SDK1: variants seen among roughly 807,000 people sequenced by gnomAD.
SDK1 encodes sidekick cell adhesion molecule 1, also known as protein sidekick-1.
Under a neutral mutation model 245.5 loss-of-function variants are expected in SDK1, and 157 were observed. That is an observed-to-expected ratio of 0.64 (90% CI 0.56 to 0.73). SDK1 has a LOEUF of 0.73. SDK1 is among the 30% of genes least tolerant of loss of function. The pLI is 0.00. For synonymous variants in SDK1, 1,647 were observed against 1,278.5 expected (o/e 1.29, Z -6.15); for missense variants, 3,583 against 3,002.3 (o/e 1.19, Z -4.52).
intron 1 of SDK1, among the ~76,000 whole-genome samples, chr7:3,606,770 C>G (rs368462588): frequency 4.0e-5 from 6 of 151,844 alleles, no homozygotes; most frequent in African/African-American, 1.5e-4. Flanking sequence ...CCTCTTCTTC[C>G]TTTTATTTTT....
Position 3,605,623 on chromosome 7 carries a change from T to A in SDK1, c.299-13457T>A, listed in dbSNP as rs564116505. On this transcript the variant is annotated intron_variant, in intron 1 of 44. Transcript: ENST00000404826. ...ATAGAAATGTCACCTACTATTTAAT[T>A]TTCCTTTTTTTTTCCAGAGTAATTT... Among the ~76,000 whole-genome samples, 18 of 152,322 alleles carry A rather than the reference T, an allele frequency of 1.2e-4. No homozygotes were observed. In the South Asian group the frequency reaches 3.7e-3, roughly 32 times the overall value.
intron 5 of SDK1, among the ~76,000 whole-genome samples, chr7:3,926,965 G>T (rs1016121151): frequency 7.9e-5 from 12 of 152,202 alleles, no homozygotes; most frequent in African/African-American, 2.9e-4. Context: ...TGCTCCAGTA[G>T]CCTGAGCACC....
rs1562872861 is a variant in SDK1 at position 4,139,709 on chromosome 7, G to GTT, written c.4229-6012_4229-6011insTT. ...TGTGTGTATGTGTGTGTGTGTATGT[G>GTT]TGTGTGTGTGTATGTGTGTGTGTGT... On this transcript the variant is annotated intron_variant, in intron 28 of 44. Coordinates refer to ENST00000404826, the MANE Select transcript of SDK1 (RefSeq NM_152744.4). 8.2e-5 allele frequency among the ~76,000 whole-genome samples: 3 copies of GTT among 36,666 alleles called. 1 individual carries two copies. The highest frequency in any genetic ancestry group is 1.3e-4 in the Non-Finnish European group (2 of 14,878). The allele number at this position is 36,666 out of a possible 152,430, so 24.1% of individuals were successfully genotyped here.
intron 29 of SDK1, among the ~76,000 whole-genome samples, chr7:4,148,285 G>A (rs1400060009): frequency 1.3e-5 from 2 of 152,324 alleles, no homozygotes; most frequent in African/African-American, 2.4e-5. Context: ...CACACGCCAC[G>A]CATTCTAATC....
At chr7:3,833,762 G>T (rs937211538) in intron 5 of SDK1, among the ~76,000 whole-genome samples, 2 of 152,184 alleles carry the variant, frequency 1.3e-5, no homozygotes, top group African/African-American at 4.8e-5. Flanking sequence ...GCAGTATTCT[G>T]AGTCTTTTGT....
At chr7:3,835,897 G>C (rs1336919321) in intron 5 of SDK1, among the ~76,000 whole-genome samples, 1 of 152,188 alleles carries the variant, frequency 6.6e-6, no homozygotes, top group Non-Finnish European at 1.5e-5. Flanking sequence ...ACCTTTGCCT[G>C]TTTTAAAGAC....
At chr7:3,467,711 T>G (rs1781051363) in intron 1 of SDK1, among the ~76,000 whole-genome samples, 1 of 152,128 alleles carries the variant, frequency 6.6e-6, no homozygotes, top group Non-Finnish European at 1.5e-5. Context: ...CATAGTTTCT[T>G]TGTATTACAA....
At position 3,821,516 on chromosome 7, in the gene SDK1, C is replaced by T. The variant is rs201492847; in HGVS notation, c.780C>T (p.Tyr260=). ...CAACCAGTGATGCCGGGGCATACTA[C>T]GTGCAGGCCGTGAATGAGAAAAATG... ...ATTTSDAGAY[Y]VQAVNEKNGE... is the part of the protein sequence containing the mutation. The change falls in exon 5 of 45, where the codon TAC becomes TAT. Residue 260 remains tyrosine (Y), a synonymous_variant. Coordinates refer to ENST00000404826, the MANE Select transcript of SDK1 (RefSeq NM_152744.4). 12 of 1,613,700 alleles carry T rather than the reference C, an allele frequency of 7.4e-6. No individual in the cohort carries two copies. The highest frequency in any genetic ancestry group is 1.6e-4 in the Middle Eastern group (1 of 6,062).
rs1188582809 is a variant in SDK1, at chr7:4,204,724, G to C, written c.5099-1155G>C. The stretch of plus-strand genomic sequence containing the variant: ...CGGCGGCAGGCGGAGAGGAGTGCTC[G>C]GCTGGCCTCTGCCTCCGGGAGCCAG... On this transcript the variant is annotated intron_variant, in intron 35 of 44. Transcript: ENST00000404826. Among the ~76,000 whole-genome samples the C allele has an allele frequency of 2.0e-5, 3 of 152,226 alleles. No homozygotes were observed. In the East Asian group the frequency reaches 5.8e-4, roughly 29 times the overall value.
chr7:3,970,543 C>T (rs138082779), intron 11 of SDK1, among the ~76,000 whole-genome samples: 1,767 of 152,264 alleles, frequency 0.012, 27 homozygotes, highest in South Asian at 0.044. Context: ...CAGAACTTGG[C>T]GATGACCTTG....
chr7:3,864,101 TTTTTTGTTTTTG>T (rs537911384), intron 5 of SDK1, among the ~76,000 whole-genome samples: 109 of 150,850 alleles, frequency 7.2e-4, no homozygotes, highest in African/African-American at 2.6e-3. Context: ...TTAATTTCTG[TTTTTTGTTTTTG>T]TTTTTGTTTT....
chr7:3,526,445 G>C (rs1432524793), intron 1 of SDK1, among the ~76,000 whole-genome samples: 1 of 152,064 alleles, frequency 6.6e-6, no homozygotes, highest in Non-Finnish European at 1.5e-5. Flanking sequence ...TTTTAGATTG[G>C]AATTGTGTCA....
chr7:3,790,241 G>C (rs1279499401), intron 4 of SDK1, among the ~76,000 whole-genome samples: 1 of 152,160 alleles, frequency 6.6e-6, no homozygotes, highest in East Asian at 1.9e-4. Flanking sequence ...AATGGAATGG[G>C]TTCAGAGAGA....
At chr7:4,159,459 A>G (rs13227327) in intron 31 of SDK1, among the ~76,000 whole-genome samples, 71,616 of 152,140 alleles carry the variant, frequency 0.47, 17,501 homozygotes, top group East Asian at 0.76. Flanking sequence ...AAGAGCCTCC[A>G]ACAGGCCCCA....
At chr7:3,770,371 G>A (rs192896208) in intron 4 of SDK1, among the ~76,000 whole-genome samples, 1 of 152,268 alleles carries the variant, frequency 6.6e-6, no homozygotes, top group East Asian at 1.9e-4. Context: ...CCTATTGAAG[G>A]ACACCTGGGA....
At chr7:3,438,614 G>C (rs1183597602) in intron 1 of SDK1, among the ~76,000 whole-genome samples, 1 of 152,130 alleles carries the variant, frequency 6.6e-6, no homozygotes, top group Non-Finnish European at 1.5e-5. Flanking sequence ...GGGCTCTGGA[G>C]TGGACGGTGT....
intron 1 of SDK1, among the ~76,000 whole-genome samples, chr7:3,616,443 T>C (rs1781774657): frequency 6.6e-6 from 1 of 152,186 alleles, no homozygotes; most frequent in Admixed American, 6.5e-5. Flanking sequence ...AAAGTCTTGC[T>C]GTTCACTCTT....
intron 5 of SDK1, among the ~76,000 whole-genome samples, chr7:3,930,330 C>T (rs975126017): frequency 6.6e-6 from 1 of 152,210 alleles, no homozygotes; most frequent in Non-Finnish European, 1.5e-5. Flanking sequence ...CTGGCTTCAC[C>T]TGGGTGTGGA....
At chr7:3,336,429 G>A (rs1005495027) in intron 1 of SDK1, among the ~76,000 whole-genome samples, 2 of 152,110 alleles carry the variant, frequency 1.3e-5, no homozygotes, top group Non-Finnish European at 2.9e-5. Context: ...CAAGGCCCAG[G>A]TTAGGGCCAT....
Sources: gnomAD v4.1 joint callset for allele counts (sites outside exome capture counted in the v4.1 genomes callset) on GRCh38, gnomAD v4.1.1 for gene constraint, MANE v1.5 for transcripts, NCBI Gene and HGNC (gene_info 2026-07-23, HGNC 2026-07-21) for gene names.